Variants in ALK observed in about 807,000 individuals in gnomAD.
ALK encodes ALK tyrosine kinase receptor.
A neutral mutation model predicts 163.1 loss-of-function variants in ALK; 74 were observed. That is an observed-to-expected ratio of 0.45 (90% CI 0.38 to 0.55). The LOEUF (loss-of-function observed/expected upper bound fraction) is 0.55. ALK is among the 20% of genes least tolerant of loss of function. The probability of loss-of-function intolerance (pLI) is 0.00; values close to 1 mark genes in which losing one functional copy is unlikely to be tolerated. For synonymous variants in ALK, 960 were observed against 843.2 expected (o/e 1.14, Z -2.40); for missense variants, 2,063 against 2,105.3 (o/e 0.98, Z 0.39).
Position 29,618,231 on chromosome 2 carries a change from C to T in ALK, c.952+76619G>A, listed in dbSNP as rs546880661. Among the ~76,000 whole-genome samples the T allele has an allele frequency of 1.7e-3, 257 of 152,294 alleles. 3 individuals are homozygous for T. Among genetic ancestry groups the T allele is most frequent in the Non-Finnish European group, 5.9e-4 (40 of 68,028 alleles). ...CAAAGGTCAACCTCCAAATCCAATC[C>T]AGATGCAATTATAGTTGTGATTTAA... On this transcript the variant is annotated intron_variant, in intron 3 of 28. Coordinates refer to ENST00000389048, the MANE Select transcript of ALK (RefSeq NM_004304.5).
chr2:29,399,803 T>C (rs1669398831), intron 4 of ALK, among the ~76,000 whole-genome samples: 1 of 152,214 alleles, frequency 6.6e-6, no homozygotes, highest in African/African-American at 2.4e-5. Context: ...CCTTCTTCCT[T>C]GCATTTTCAC....
intron 1 of ALK, among the ~76,000 whole-genome samples, chr2:29,903,631 AT>A (rs1667471470): frequency 6.6e-6 from 1 of 152,342 alleles, no homozygotes; most frequent in African/African-American, 2.4e-5. Flanking sequence ...ACAGAAAACC[AT>A]AACAAAGCAG....
intron 1 of ALK, among the ~76,000 whole-genome samples, chr2:29,765,749 C>G (rs557658875): frequency 6.6e-6 from 1 of 152,136 alleles, no homozygotes; most frequent in East Asian, 1.9e-4. Flanking sequence ...AGGTTTTTCT[C>G]TTAATATTTA....
intron 5 of ALK, among the ~76,000 whole-genome samples, chr2:29,347,057 C>T (rs1469135456): frequency 6.6e-6 from 1 of 152,192 alleles, no homozygotes; most frequent in African/African-American, 2.4e-5. Context: ...ATAGCACTCT[C>T]CGTTTTTTGT....
intron 3 of ALK, among the ~76,000 whole-genome samples, chr2:29,640,679 G>A (rs570180968): frequency 6.6e-6 from 1 of 152,158 alleles, no homozygotes; most frequent in Non-Finnish European, 1.5e-5. Context: ...AATATACCAG[G>A]TATGTGTTGA....
chr2:29,591,659 G>A (rs561432447), intron 3 of ALK, among the ~76,000 whole-genome samples: 13 of 152,276 alleles, frequency 8.5e-5, no homozygotes, highest in African/African-American at 3.1e-4. Flanking sequence ...GAAGAGGGAG[G>A]CAAGGAGTGA....
At chr2:29,581,202 A>T (rs2148198326) in intron 3 of ALK, among the ~76,000 whole-genome samples, 1 of 152,290 alleles carries the variant, frequency 6.6e-6, no homozygotes, top group South Asian at 2.1e-4. Flanking sequence ...ATCCTGGCCA[A>T]CATGGTGAAA....
chr2:29,264,188 T>C (rs1390734748), intron 11 of ALK, among the ~76,000 whole-genome samples: 2 of 152,224 alleles, frequency 1.3e-5, no homozygotes, highest in Non-Finnish European at 2.9e-5. Flanking sequence ...CCCTCTGCTG[T>C]GTCTCAGTGC....
At chr2:29,195,199 G>T (rs889414322) in intron 28 of ALK, among the ~76,000 whole-genome samples, 4 of 152,120 alleles carry the variant, frequency 2.6e-5, no homozygotes, top group African/African-American at 9.7e-5. Flanking sequence ...ATAGACTATT[G>T]AGAAAAATAC....
chr2:29,372,628 C>A (rs763454997), intron 5 of ALK, among the ~76,000 whole-genome samples: 1 of 152,162 alleles, frequency 6.6e-6, no homozygotes, highest in African/African-American at 2.4e-5. Context: ...GTCTTCATTT[C>A]GCACGTGAAT....
Position 29,531,941 on chromosome 2 carries a change from G to A in ALK, c.1128C>T (p.Leu376=), listed in dbSNP as rs200396075. 979 of 1,614,182 alleles carry A rather than the reference G, an allele frequency of 6.1e-4. 11 individuals are homozygous for A. The South Asian group carries it at 0.01, about 17-fold the overall frequency. Residue 376 remains leucine, a synonymous_variant, in exon 4 of 29, where the codon CTC becomes CTT. Transcript: ENST00000389048. ...CATGCTTCCCTGGAGTGGGCATCAG[G>A]AGGATCTCTCTTGCAGCCTCGTTGT... ...LPHNEAAREI[L]LMPTPGKHGW... is the part of the protein sequence containing the mutation.
intron 4 of ALK, among the ~76,000 whole-genome samples, chr2:29,417,789 G>T (rs1390143709): frequency 6.6e-6 from 1 of 152,208 alleles, no homozygotes; most frequent in African/African-American, 2.4e-5. Flanking sequence ...AGGAGGAGTG[G>T]AATAGCTGTG....
chr2:29,831,299 G>T (rs1026496882), intron 1 of ALK, among the ~76,000 whole-genome samples: 1 of 142,388 alleles, frequency 7.0e-6, no homozygotes, highest in African/African-American at 2.6e-5. Flanking sequence ...AGAAGAAGAA[G>T]AAGAAGAAGA....
intron 1 of ALK, among the ~76,000 whole-genome samples, chr2:29,901,520 G>A (rs912571971): frequency 2.0e-5 from 3 of 152,194 alleles, no homozygotes; most frequent in African/African-American, 7.2e-5. Flanking sequence ...GCCAGGGAAG[G>A]AGTCCCAGCT....
In ALK at chr2:29,225,577, G is replaced by T. The variant is rs1020176274; in HGVS notation, c.3068-12C>A. On this transcript the variant is annotated splice_polypyrimidine_tract_variant and intron_variant, in intron 18 of 28. Coordinates refer to ENST00000389048, the MANE Select transcript of ALK (RefSeq NM_004304.5). ...CGGGGTGGGTGACACTGGAAGACAG[G>T]TCCCACTGGGGTATTGACAACCACA... is the stretch of plus-strand genomic sequence containing the variant. 8 of 1,603,504 alleles carry T rather than the reference G, an allele frequency of 5.0e-6. No homozygotes were observed. Among genetic ancestry groups the T allele is most frequent in the African/African-American group, 4.0e-5 (3 of 74,816 alleles).
At chr2:29,404,876 GC>G (rs1669543213) in intron 4 of ALK, among the ~76,000 whole-genome samples, 1 of 152,196 alleles carries the variant, frequency 6.6e-6, no homozygotes, top group Non-Finnish European at 1.5e-5. Flanking sequence ...ACGAGGAAAA[GC>G]AGCACTCAAG....
intron 8 of ALK, among the ~76,000 whole-genome samples, chr2:29,303,381 A>G (rs1666422796): frequency 6.6e-6 from 1 of 152,240 alleles, no homozygotes; most frequent in South Asian, 2.1e-4. Flanking sequence ...GTAAAAAAAG[A>G]AAAGATCTTG....
intron 11 of ALK, among the ~76,000 whole-genome samples, chr2:29,263,237 G>T (rs542201839): frequency 2.4e-4 from 36 of 152,324 alleles, no homozygotes; most frequent in Non-Finnish European, 4.4e-4. Context: ...ATCACCATAG[G>T]GGTTATGTGA....
intron 3 of ALK, among the ~76,000 whole-genome samples, chr2:29,551,863 C>T (rs1401331080): frequency 3.3e-5 from 5 of 152,148 alleles, no homozygotes; most frequent in African/African-American, 9.7e-5. Flanking sequence ...AAGATATACA[C>T]AGCACAAAAT....
Sources: gnomAD v4.1 joint callset for allele counts (sites outside exome capture counted in the v4.1 genomes callset) on GRCh38, gnomAD v4.1.1 for gene constraint, MANE v1.5 for transcripts, NCBI Gene and HGNC (gene_info 2026-07-23, HGNC 2026-07-21) for gene names.